The following ZNF536 variants were observed in gnomAD, a reference collection of about 807,000 sequenced individuals.
The protein encoded by ZNF536 is zinc finger protein 536.
ZNF536 carries 13 observed loss-of-function variants against 84.5 expected under a neutral mutation model. The ratio of observed to expected loss-of-function variants is 0.15; its 90% CI spans 0.10 to 0.24. The LOEUF (loss-of-function observed/expected upper bound fraction) is 0.24. Ranked by LOEUF, ZNF536 falls within the 10% of genes least tolerant of loss-of-function variation. The pLI is 1.00. For missense variants in ZNF536, 1,536 were observed against 1,747.5 expected (o/e 0.88, Z 2.16); for synonymous variants, 811 against 742.5 (o/e 1.09, Z -1.50).
chr19:30,620,578 C>T (rs982878322), intron 1 of ZNF536, among the ~76,000 whole-genome samples: 2 of 152,138 alleles, frequency 1.3e-5, no homozygotes, highest in African/African-American at 4.8e-5. Context: ...GACGGCCTCT[C>T]TCCTGGGCCA....
chr19:30,606,208 AAAATAAAAT>A (rs2146981388), intron 1 of ZNF536, among the ~76,000 whole-genome samples: 7 of 81,178 alleles, frequency 8.6e-5, no homozygotes, highest in East Asian at 6.2e-4. Flanking sequence ...AAAATAAAAT[AAAATAAAAT>A]ATAAAATAAA....
At chr19:30,225,696 G>GA (rs1555768696), upstream of ZNF536, among the ~76,000 whole-genome samples, 2 of 141,396 alleles carry the variant, frequency 1.4e-5, no homozygotes, top group Admixed American at 1.4e-4. Flanking sequence ...GTGGGGGGGG[G>GA]ATCGCGGGGC....
At position 30,548,649 on chromosome 19, in the gene ZNF536, G is replaced by A. The variant is rs371090716; in HGVS notation, c.3030G>A (p.Thr1010=). 107 of 1,614,066 alleles carry A rather than the reference G, an allele frequency of 6.6e-5. No homozygotes were observed. Among genetic ancestry groups the A allele is most frequent in the Middle Eastern group, 1.6e-4 (1 of 6,062 alleles). The part of the protein sequence containing the change: ...WHGCLFCAFT[T]SSMELMALHL... Reference sequence around the variant, plus strand: ...GCTGCTTGTTTTGTGCTTTCACAACGTCCTCCATGGAGCTCATGGCCCTTC... The same window carrying A: ...GCTGCTTGTTTTGTGCTTTCACAACATCCTCCATGGAGCTCATGGCCCTTC... The change falls in exon 4 of 5, where the codon ACG becomes ACA. Residue 1010 remains threonine, a synonymous_variant. Coordinates refer to ENST00000355537, the MANE Select transcript of ZNF536 (RefSeq NM_014717.3).
chr19:30,488,565 T>TAAA (rs57555635), intron 2 of ZNF536, among the ~76,000 whole-genome samples: 1 of 145,680 alleles, frequency 6.9e-6, no homozygotes, highest in African/African-American at 2.5e-5. Context: ...TTTTTTTAAT[T>TAAA]AAAAAAAAAA....
chr19:30,550,419 T>C (rs1441192651), intron 4 of ZNF536, among the ~76,000 whole-genome samples: 1 of 152,176 alleles, frequency 6.6e-6, no homozygotes, highest in Non-Finnish European at 1.5e-5. Flanking sequence ...GAAGCCTTTC[T>C]CCGAAAAGAA....
chr19:30,504,645 C>T (rs1254349242), intron 2 of ZNF536, among the ~76,000 whole-genome samples: 1 of 149,226 alleles, frequency 6.7e-6, no homozygotes. Flanking sequence ...TCTCTCTGGC[C>T]CTCTCACTCT....
chr19:30,228,890 T>G lies in ZNF536; in HGVS notation c.-190+217T>G, dbSNP rs1599802896. Among the ~76,000 whole-genome samples the G allele has an allele frequency of 6.8e-6, 1 of 147,526 alleles. No homozygotes were observed. On this transcript the variant is annotated intron_variant, in intron 1 of 5. Transcript: ENST00000585628. This position sits in a 1 kb window ranked among gnomAD's most constrained non-coding sequence, Gnocchi z 4.5. ...CCGTCTGCTGACTTTTCGGGCCAGG[T>G]GAAGTGTTTGGGCCACGCGTGTACC...
chr19:30,242,997 A>C (rs975723356), intron 1 of ZNF536, among the ~76,000 whole-genome samples: 4 of 152,180 alleles, frequency 2.6e-5, no homozygotes, highest in African/African-American at 9.6e-5. Flanking sequence ...ATTTCACATC[A>C]TCGTAACTTA....
At chr19:30,229,363 C>G (rs2022839837) in intron 1 of ZNF536, among the ~76,000 whole-genome samples, 1 of 152,064 alleles carries the variant, frequency 6.6e-6, no homozygotes, top group Non-Finnish European at 1.5e-5. Flanking sequence ...AAAATACCAA[C>G]CCTTGCCTGA....
intron 1 of ZNF536, among the ~76,000 whole-genome samples, chr19:30,381,050 A>C (rs1465449418): frequency 6.6e-6 from 1 of 151,722 alleles, no homozygotes; most frequent in African/African-American, 2.4e-5. Context: ...CTAATTTTAA[A>C]ATTTTTTTGT....
chr19:30,333,882 A>G (rs1313638494), intron 2 of ZNF536, among the ~76,000 whole-genome samples: 3 of 152,198 alleles, frequency 2.0e-5, no homozygotes, highest in Non-Finnish European at 1.5e-5. Flanking sequence ...TGAGCCCGGA[A>G]TAGTGATTAT....
chr19:30,644,054 G>A (rs2049368448), intron 1 of ZNF536, among the ~76,000 whole-genome samples: 1 of 152,200 alleles, frequency 6.6e-6, no homozygotes, highest in Non-Finnish European at 1.5e-5. Context: ...TCAGAGACAA[G>A]TGTTTAAAAT....
intron 1 of ZNF536, among the ~76,000 whole-genome samples, chr19:30,243,642 A>T (rs997040833): frequency 4.6e-5 from 7 of 152,214 alleles, no homozygotes; most frequent in Admixed American, 3.9e-4. Flanking sequence ...GAAGAGTTCC[A>T]ACAATAGGTA....
chr19:30,620,699 A>C (rs1317470188), intron 1 of ZNF536, among the ~76,000 whole-genome samples: 1 of 152,176 alleles, frequency 6.6e-6, no homozygotes, highest in Non-Finnish European at 1.5e-5. Context: ...AATTTCAGTC[A>C]ACGTGTTCCT....
intron 1 of ZNF536, among the ~76,000 whole-genome samples, chr19:30,672,685 A>C (rs148685906): frequency 1.3e-5 from 2 of 152,308 alleles, no homozygotes; most frequent in African/African-American, 4.8e-5. Flanking sequence ...ACCACTTATG[A>C]GTTCTGTGAC....
chr19:30,629,458 A>G (rs1012054573), intron 1 of ZNF536, among the ~76,000 whole-genome samples: 1 of 152,140 alleles, frequency 6.6e-6, no homozygotes, highest in Non-Finnish European at 1.5e-5. Flanking sequence ...GGCCTCCCAA[A>G]TTGCTGGGGT....
At chr19:30,366,763 G>A (rs2048450497) in intron 3 of ZNF536, among the ~76,000 whole-genome samples, 1 of 152,316 alleles carries the variant, frequency 6.6e-6, no homozygotes, top group East Asian at 1.9e-4. Flanking sequence ...CCCTCTTGTA[G>A]CTGACATTCC....
chr19:30,236,724 C>T (rs79311517), intron 1 of ZNF536, among the ~76,000 whole-genome samples: 2,340 of 152,212 alleles, frequency 0.015, 59 homozygotes, highest in African/African-American at 0.054. Context: ...AGGTGACAAA[C>T]GATTAGCTCA....
intron 1 of ZNF536, among the ~76,000 whole-genome samples, chr19:30,252,612 A>G (rs1371875585): frequency 2.0e-5 from 3 of 152,200 alleles, no homozygotes. Context: ...AGTGGATATG[A>G]CCACTAGACA....
Sources: gnomAD v4.1 joint callset for allele counts (sites outside exome capture counted in the v4.1 genomes callset) on GRCh38, gnomAD v4.1.1 for gene constraint, Gnocchi (gnomAD v3.1) non-coding constraint, MANE v1.5 for transcripts, NCBI Gene and HGNC (gene_info 2026-07-23, HGNC 2026-07-21) for gene names.